Variants in NTRK3 observed in about 807,000 individuals in gnomAD.
NTRK3 encodes the protein NT-3 growth factor receptor.
NTRK3 carries 24 observed loss-of-function variants against 91.7 expected under a neutral mutation model. The ratio of observed to expected loss-of-function variants is 0.26; its 90% CI spans 0.19 to 0.37. NTRK3 has a LOEUF of 0.37. Ranked by LOEUF, NTRK3 falls within the 10% of genes least tolerant of loss-of-function variation. NTRK3 has a pLI of 1.00. For synonymous variants in NTRK3, 483 were observed against 404.0 expected (o/e 1.20, Z -2.34); for missense variants, 880 against 1,068.9 (o/e 0.82, Z 2.46).
intron 14 of NTRK3, among the ~76,000 whole-genome samples, chr15:87,997,563 T>A (rs2075795794): frequency 6.7e-6 from 1 of 148,200 alleles, no homozygotes; most frequent in African/African-American, 2.4e-5. Context: ...GCAGTAAATA[T>A]TTTTTTTATA....
chr15:88,126,255 G>T lies in NTRK3; in HGVS notation c.1396+16C>A. On this transcript the variant is annotated intron_variant, in intron 13 of 18. Coordinates refer to ENST00000394480, the Ensembl canonical transcript of NTRK3. ...TTCCCCCCATGACGCCCTTGAAAATGAAACTCCCACCTTACCCTTCATTCC... is the reference window on the plus strand; with the variant it reads ...TTCCCCCCATGACGCCCTTGAAAATTAAACTCCCACCTTACCCTTCATTCC... 1 of 1,574,252 alleles carries T rather than the reference G, an allele frequency of 6.4e-7. No homozygotes were observed. Among genetic ancestry groups the T allele is most frequent in the Non-Finnish European group, 8.7e-7 (1 of 1,143,852 alleles).
chr15:88,101,939 C>T (rs2050217674), intron 13 of NTRK3, among the ~76,000 whole-genome samples: 1 of 152,024 alleles, frequency 6.6e-6, no homozygotes, highest in Non-Finnish European at 1.5e-5. Context: ...ATGGGTGCAG[C>T]ACACCAAATG....
At chr15:87,984,470 T>C (rs1244501601) in intron 14 of NTRK3, among the ~76,000 whole-genome samples, 1 of 152,196 alleles carries the variant, frequency 6.6e-6, no homozygotes, top group Non-Finnish European at 1.5e-5. Flanking sequence ...AGTTCTTTCT[T>C]CTCATGCCAT....
rs77675164 is a variant in NTRK3 at position 88,241,746 on chromosome 15, G to A, written c.248+14160C>T. Among the ~76,000 whole-genome samples the A allele has an allele frequency of 0.014, 2,107 of 152,280 alleles. 17 individuals are homozygous for A. The highest frequency in any genetic ancestry group is 0.018 in the Admixed American group (274 of 15,304). On this transcript the variant is annotated intron_variant, in intron 3 of 18. Coordinates refer to ENST00000394480, the Ensembl canonical transcript of NTRK3. This position sits in a 1 kb window ranked among gnomAD's most constrained non-coding sequence, Gnocchi z 4.3. ...CCTCCACCCAGCGCACTGGGGAGAAGGGCTGCCCTATATCCACAGCCCTCT... is the reference window on the plus strand; with the variant it reads ...CCTCCACCCAGCGCACTGGGGAGAAAGGCTGCCCTATATCCACAGCCCTCT...
intron 14 of NTRK3, among the ~76,000 whole-genome samples, chr15:88,030,902 C>T (rs1377563500): frequency 6.6e-6 from 1 of 151,878 alleles, no homozygotes; most frequent in Non-Finnish European, 1.5e-5. Flanking sequence ...TATTCCAGAC[C>T]ACATTTTTTT....
intron 18 of NTRK3, among the ~76,000 whole-genome samples, chr15:87,879,805 T>G (rs553765820): frequency 1.3e-5 from 2 of 152,278 alleles, no homozygotes; most frequent in East Asian, 3.9e-4. Flanking sequence ...TCCTAGACGT[T>G]CACACATGAC....
intron 3 of NTRK3, among the ~76,000 whole-genome samples, chr15:88,222,781 G>A (rs559875285): frequency 1.3e-5 from 2 of 152,270 alleles, no homozygotes; most frequent in African/African-American, 4.8e-5. Context: ...GGGGTGCCAG[G>A]CACTTGGAAT....
At chr15:87,870,429 AG>A in exon 19 of NTRK3, 1 of 205,330 alleles carries the variant, frequency 4.9e-6, no homozygotes, top group Non-Finnish European at 1.0e-5. Flanking sequence ...CTGCGGACTC[AG>A]GGGGAAAGTG....
In NTRK3 at chr15:87,880,772, G is replaced by A. The variant is rs774285877; in HGVS notation, c.2134-344C>T. On this transcript the variant is annotated intron_variant, in intron 17 of 18. Transcript: ENST00000394480. ...GAGCAAGTCCAGCAAGAAGTCAGCAGAATGACTAAGCCAGTCACCAAGGAT... is the reference window on the plus strand; with the variant it reads ...GAGCAAGTCCAGCAAGAAGTCAGCAAAATGACTAAGCCAGTCACCAAGGAT... 3.3e-5 allele frequency among the ~76,000 whole-genome samples: 5 copies of A among 152,210 alleles called. No homozygotes were observed. In the East Asian group the frequency reaches 5.8e-4, roughly 18 times the overall value.
intron 17 of NTRK3, among the ~76,000 whole-genome samples, chr15:87,905,632 C>T (rs565954856): frequency 6.6e-6 from 1 of 152,154 alleles, no homozygotes; most frequent in Non-Finnish European, 1.5e-5. Context: ...AAAAGACAGA[C>T]AGGAAATTTA....
chr15:87,961,552 C>T (rs575542857), intron 14 of NTRK3, among the ~76,000 whole-genome samples: 1 of 152,268 alleles, frequency 6.6e-6, no homozygotes, highest in South Asian at 2.1e-4. Flanking sequence ...GATTGGCATA[C>T]CAGCTACAGC....
At chr15:88,079,052 G>T (rs1597174736) in intron 13 of NTRK3, among the ~76,000 whole-genome samples, 1 of 152,308 alleles carries the variant, frequency 6.6e-6, no homozygotes, top group East Asian at 1.9e-4. Context: ...AGGTGAACAG[G>T]TGAACATGGG....
At chr15:88,147,900 G>A (rs972765808) in intron 5 of NTRK3, among the ~76,000 whole-genome samples, 7 of 152,108 alleles carry the variant, frequency 4.6e-5, no homozygotes, top group Non-Finnish European at 1.0e-4. Context: ...TTGTTCACAC[G>A]TCTGTTCTCC....
intron 6 of NTRK3, 31 bp downstream of exon 6, chr15:88,147,304 G>C (rs760504189): frequency 5.6e-6 from 9 of 1,600,824 alleles, no homozygotes; most frequent in Non-Finnish European, 7.7e-6. Context: ...CAGCACTTCA[G>C]TACCTGGACA....
intron 17 of NTRK3, among the ~76,000 whole-genome samples, chr15:87,914,649 G>T (rs1306506867): frequency 1.3e-5 from 2 of 152,130 alleles, no homozygotes; most frequent in African/African-American, 4.8e-5. Context: ...ATTGAGGTAT[G>T]GAACAAACAT....
intron 17 of NTRK3, among the ~76,000 whole-genome samples, chr15:87,910,013 T>G (rs774564393): frequency 1.3e-5 from 2 of 152,104 alleles, no homozygotes; most frequent in East Asian, 3.9e-4. Flanking sequence ...GAGGGCCTCA[T>G]GCAAAGGTGG....
intron 13 of NTRK3, among the ~76,000 whole-genome samples, chr15:88,060,445 TG>T (rs2046114206): frequency 6.7e-6 from 1 of 149,302 alleles, no homozygotes; most frequent in African/African-American, 2.5e-5. Context: ...CTGTTCTCCA[TG>T]GTGGGAAGCA....
chr15:87,983,332 C>G (rs2074458836), intron 14 of NTRK3, among the ~76,000 whole-genome samples: 1 of 152,168 alleles, frequency 6.6e-6, no homozygotes, highest in Non-Finnish European at 1.5e-5. Context: ...CAGGGTGCCA[C>G]ACTTTCCACA....
At chr15:87,946,874 CTTTTTTTT>C (rs560114979) in intron 14 of NTRK3, among the ~76,000 whole-genome samples, 7,497 of 85,932 alleles carry the variant, frequency 0.087, 504 homozygotes, top group African/African-American at 0.28. Flanking sequence ...TTCGTGGGTT[CTTTTTTTT>C]TTTTTTTTTT....
Sources: allele counts gnomAD v4.1 joint callset (sites outside exome capture counted in the v4.1 genomes callset), GRCh38; gene constraint gnomAD v4.1.1; non-coding constraint Gnocchi (gnomAD v3.1); transcripts MANE v1.5; gene names NCBI Gene and HGNC (gene_info 2026-07-23, HGNC 2026-07-21).